The following PRLR variants were observed in gnomAD, a reference collection of about 807,000 sequenced individuals.
PRLR encodes prolactin receptor.
In PRLR, 13 loss-of-function variants were observed where a neutral mutation model predicts 40.2. The observed-to-expected ratio is 0.32, with a 90% CI of 0.21 to 0.51. PRLR has a LOEUF of 0.51. Ranked by LOEUF, PRLR falls within the 20% of genes least tolerant of loss-of-function variation. The probability of loss-of-function intolerance (pLI) is 0.97; values close to 1 mark genes in which losing one functional copy is unlikely to be tolerated. For synonymous variants in PRLR, 269 were observed against 278.7 expected, an observed-to-expected ratio of 0.97 and a Z score of 0.35; for missense variants, 656 against 747.3, an observed-to-expected ratio of 0.88 and a Z score of 1.42.
At chr5:35,093,684 T>C (rs1213690419) in intron 2 of PRLR, among the ~76,000 whole-genome samples, 7 of 152,232 alleles carry the variant, frequency 4.6e-5, no homozygotes. Flanking sequence ...ATTTGAACTT[T>C]AGACTATCAT....
At chr5:35,163,874 T>C (rs972739807) in intron 1 of PRLR, among the ~76,000 whole-genome samples, 1 of 152,192 alleles carries the variant, frequency 6.6e-6, no homozygotes, top group Non-Finnish European at 1.5e-5. Flanking sequence ...GTAGAAGCAG[T>C]GTACTAGAGA....
intron 2 of PRLR, among the ~76,000 whole-genome samples, chr5:35,107,769 G>A (rs960615672): frequency 2.2e-4 from 33 of 152,078 alleles, no homozygotes; most frequent in Non-Finnish European, 5.9e-5. Flanking sequence ...AGGAGCAGAC[G>A]GATTCACAGC....
At chr5:35,206,073 A>T (rs533853351) in intron 1 of PRLR, among the ~76,000 whole-genome samples, 1 of 152,316 alleles carries the variant, frequency 6.6e-6, no homozygotes, top group African/African-American at 2.4e-5. Flanking sequence ...TGAAATAGAA[A>T]ATACTGTGGA....
chr5:35,084,685 G>T (rs757562299), intron 4 of PRLR, 46 bp from the exon 5 acceptor site: 1 of 1,564,050 alleles, frequency 6.4e-7, no homozygotes, highest in African/African-American at 1.4e-5. Flanking sequence ...GTAATAAAGA[G>T]AGTCTAGTTT....
At chr5:35,183,228 A>G (rs1211360900) in intron 1 of PRLR, among the ~76,000 whole-genome samples, 1 of 152,200 alleles carries the variant, frequency 6.6e-6, no homozygotes, top group African/African-American at 2.4e-5. Context: ...TAGTTTTGTC[A>G]TTTGGAGTAA....
At chr5:35,197,117 C>T (rs906877398) in intron 1 of PRLR, among the ~76,000 whole-genome samples, 2 of 152,146 alleles carry the variant, frequency 1.3e-5, no homozygotes, top group Non-Finnish European at 1.5e-5. Flanking sequence ...ACCACTTTCT[C>T]CTGTCCCCAA....
intron 1 of PRLR, among the ~76,000 whole-genome samples, chr5:35,139,560 CAT>C (rs1487081591): frequency 1.3e-5 from 2 of 152,106 alleles, no homozygotes; most frequent in African/African-American, 4.8e-5. Flanking sequence ...CAGATACAAA[CAT>C]AAAAATAGGG....
chr5:35,166,052 A>G (rs1774816769), intron 1 of PRLR, among the ~76,000 whole-genome samples: 1 of 152,202 alleles, frequency 6.6e-6, no homozygotes, highest in African/African-American at 2.4e-5. Flanking sequence ...AAATGATACC[A>G]TTTAGCATTC....
At chr5:35,112,429 G>GC (rs1295244379) in intron 2 of PRLR, among the ~76,000 whole-genome samples, 1 of 152,116 alleles carries the variant, frequency 6.6e-6, no homozygotes, top group African/African-American at 2.4e-5. Context: ...TGGCCCCGGG[G>GC]CTTCTGCTAG....
chr5:35,168,136 T>C (rs1051581189), intron 1 of PRLR, among the ~76,000 whole-genome samples: 2 of 152,090 alleles, frequency 1.3e-5, no homozygotes, highest in Middle Eastern at 3.4e-3. Context: ...CATGTCATAA[T>C]GATAAAAGGG....
In PRLR at chr5:35,115,620, C is replaced by A. The variant is rs1256503618; in HGVS notation, c.-44+2441G>T. Among the ~76,000 whole-genome samples, 14 of 151,818 alleles carry A rather than the reference C, an allele frequency of 9.2e-5. No homozygotes were observed. The East Asian group carries it at 2.5e-3, about 27-fold the overall frequency. ...AGGGCAGAAGTGTGCGGATGGGGGCCTGGGAAAGGGCTGGAGGTGGGAGGG... is the reference window on the plus strand; with the variant it reads ...AGGGCAGAAGTGTGCGGATGGGGGCATGGGAAAGGGCTGGAGGTGGGAGGG... On this transcript the variant is annotated intron_variant, in intron 2 of 9. Coordinates refer to ENST00000618457, the MANE Select transcript of PRLR (RefSeq NM_000949.7).
intron 1 of PRLR, among the ~76,000 whole-genome samples, chr5:35,186,526 T>C (rs956626960): frequency 6.6e-6 from 1 of 152,210 alleles, no homozygotes; most frequent in Non-Finnish European, 1.5e-5. Context: ...TTATGCCTTA[T>C]TGAGGCCTCA....
At chr5:35,118,441 G>T (rs1773149809) in intron 1 of PRLR, among the ~76,000 whole-genome samples, 1 of 151,806 alleles carries the variant, frequency 6.6e-6, no homozygotes, top group African/African-American at 2.4e-5. Flanking sequence ...AATTATTTGT[G>T]AACTAGTCAC....
chr5:35,187,710 C>A (rs1320542716), intron 1 of PRLR, among the ~76,000 whole-genome samples: 8 of 152,302 alleles, frequency 5.3e-5, no homozygotes, highest in East Asian at 3.9e-4. Flanking sequence ...CCAGAAAGGT[C>A]AAACCACTTG....
intron 1 of PRLR, among the ~76,000 whole-genome samples, chr5:35,154,714 C>T (rs995095205): frequency 6.6e-6 from 1 of 152,002 alleles, no homozygotes; most frequent in Non-Finnish European, 1.5e-5. Flanking sequence ...GCACTATTCA[C>T]AATAGCAAAT....
chr5:35,071,420 G>C (rs940507164), intron 6 of PRLR, among the ~76,000 whole-genome samples: 2 of 151,988 alleles, frequency 1.3e-5, no homozygotes, highest in African/African-American at 2.4e-5. Context: ...CTAGGGACTG[G>C]GTATTAAACG....
intron 1 of PRLR, among the ~76,000 whole-genome samples, chr5:35,138,853 G>GA (rs377079579): frequency 6.6e-6 from 1 of 151,724 alleles, no homozygotes; most frequent in African/African-American, 2.4e-5. Context: ...TTACTACCAA[G>GA]AAAAAAAATC....
intron 2 of PRLR, among the ~76,000 whole-genome samples, chr5:35,094,112 C>T (rs1404498050): frequency 6.6e-6 from 1 of 152,198 alleles, no homozygotes; most frequent in Non-Finnish European, 1.5e-5. Flanking sequence ...ATCTATGTTA[C>T]CACTCAGGTC....
At position 35,125,462 on chromosome 5, in the gene PRLR, C is replaced by T. The variant is rs546158779; in HGVS notation, c.-105-7340G>A. Among the ~76,000 whole-genome samples, 7 of 152,220 alleles carry T rather than the reference C, an allele frequency of 4.6e-5. No homozygotes were observed. In the South Asian group the frequency reaches 1.0e-3, roughly 23 times the overall value. ...GGAACTAGTGATTAAAAAATACCTC[C>T]GAGTGATGAAAAGACACTGTTTAGA... On this transcript the variant is annotated intron_variant, in intron 1 of 9. Transcript: ENST00000618457.
Sources: allele counts gnomAD v4.1 joint callset (sites outside exome capture counted in the v4.1 genomes callset), GRCh38; gene constraint gnomAD v4.1.1; transcripts MANE v1.5; gene names NCBI Gene and HGNC (gene_info 2026-07-23, HGNC 2026-07-21).